Variants in ADAMTS12 observed in about 807,000 individuals in gnomAD.
ADAMTS12 encodes the protein A disintegrin and metalloproteinase with thrombospondin motifs 12.
Under a neutral mutation model 167.8 loss-of-function variants are expected in ADAMTS12, and 118 were observed. The ratio of observed to expected loss-of-function variants is 0.70; its 90% confidence interval spans 0.61 to 0.82. The LOEUF (loss-of-function observed/expected upper bound fraction) is 0.82, where lower values mean the gene tolerates loss of function less well. ADAMTS12 is among the 40% of genes least tolerant of loss of function. ADAMTS12 has a pLI of 0.00. For synonymous variants in ADAMTS12, 704 were observed against 716.9 expected, an observed-to-expected ratio of 0.98 and a Z score of 0.29; for missense variants, 1,916 against 1,998.8, an observed-to-expected ratio of 0.96 and a Z score of 0.79.
intron 22 of ADAMTS12, among the ~76,000 whole-genome samples, chr5:33,535,948 C>T (rs1224687776): frequency 6.6e-6 from 1 of 152,078 alleles, no homozygotes; most frequent in African/African-American, 2.4e-5. Flanking sequence ...CCTCTCAAGC[C>T]ATTCTAATGA....
chr5:33,757,903 A>G (rs968136177), intron 2 of ADAMTS12, among the ~76,000 whole-genome samples: 2 of 152,194 alleles, frequency 1.3e-5, no homozygotes, highest in African/African-American at 4.8e-5. Flanking sequence ...TCATTTCATC[A>G]TAGCATCGTC....
intron 17 of ADAMTS12, among the ~76,000 whole-genome samples, chr5:33,592,983 A>T (rs1430001662): frequency 6.6e-5 from 10 of 152,218 alleles, no homozygotes; most frequent in Non-Finnish European, 1.2e-4. Flanking sequence ...ATTTATTTTT[A>T]AAAAAGCAAA....
At chr5:33,772,526 C>G (rs1427458219) in intron 2 of ADAMTS12, among the ~76,000 whole-genome samples, 1 of 152,144 alleles carries the variant, frequency 6.6e-6, no homozygotes, top group Non-Finnish European at 1.5e-5. Flanking sequence ...GGAGATTGAG[C>G]AAAAATAATT....
At chr5:33,832,657 G>C (rs1449063347) in intron 2 of ADAMTS12, among the ~76,000 whole-genome samples, 1 of 152,204 alleles carries the variant, frequency 6.6e-6, no homozygotes, top group Non-Finnish European at 1.5e-5. Context: ...CACTAGCGGG[G>C]TGGTGGTGTT....
intron 2 of ADAMTS12, among the ~76,000 whole-genome samples, chr5:33,808,836 AAGAT>A (rs918981591): frequency 5.9e-5 from 9 of 152,216 alleles, no homozygotes; most frequent in Non-Finnish European, 7.3e-5. Context: ...CACAAACAAA[AAGAT>A]AGCCAATTCC....
At chr5:33,801,091 T>C (rs1026514459) in intron 2 of ADAMTS12, among the ~76,000 whole-genome samples, 2 of 152,182 alleles carry the variant, frequency 1.3e-5, no homozygotes, top group Non-Finnish European at 2.9e-5. Context: ...CATGAACCAC[T>C]AGAAGCTGGA....
intron 20 of ADAMTS12, among the ~76,000 whole-genome samples, chr5:33,556,448 T>C (rs1381312859): frequency 6.6e-6 from 1 of 152,220 alleles, no homozygotes; most frequent in Non-Finnish European, 1.5e-5. Flanking sequence ...GGTAGAGATC[T>C]GAATGTCTCA....
intron 3 of ADAMTS12, among the ~76,000 whole-genome samples, chr5:33,711,605 A>G (rs1695232954): frequency 6.6e-6 from 1 of 152,146 alleles, no homozygotes; most frequent in South Asian, 2.1e-4. Context: ...CTGTGTAAAC[A>G]AACACACAAG....
intron 5 of ADAMTS12, among the ~76,000 whole-genome samples, chr5:33,667,685 T>C (rs1351186319): frequency 6.6e-6 from 1 of 152,172 alleles, no homozygotes; most frequent in Non-Finnish European, 1.5e-5. Context: ...TAAAGATAGG[T>C]AGATAATTAA....
At chr5:33,686,474 T>C (rs1742328372) in intron 3 of ADAMTS12, among the ~76,000 whole-genome samples, 3 of 152,144 alleles carry the variant, frequency 2.0e-5, no homozygotes, top group Admixed American at 2.0e-4. Context: ...ACTTCTTCTT[T>C]ACTCTCCCCT....
chr5:33,665,800 T>A (rs1194950329), intron 5 of ADAMTS12, among the ~76,000 whole-genome samples: 1 of 152,160 alleles, frequency 6.6e-6, no homozygotes, highest in Non-Finnish European at 1.5e-5. Flanking sequence ...GGACAATATA[T>A]CTGCCTTCCC....
At chr5:33,818,031 T>C (rs1249879741) in intron 2 of ADAMTS12, among the ~76,000 whole-genome samples, 3 of 152,144 alleles carry the variant, frequency 2.0e-5, no homozygotes, top group African/African-American at 4.8e-5. Flanking sequence ...GTTTACAACA[T>C]AGGATATATG....
At chr5:33,790,555 C>CAA (rs35691545) in intron 2 of ADAMTS12, among the ~76,000 whole-genome samples, 1 of 104,818 alleles carries the variant, frequency 9.5e-6, no homozygotes. Flanking sequence ...GACTCCATCT[C>CAA]AAAAAAAAAA....
At chr5:33,868,775 G>A (rs998484758) in intron 2 of ADAMTS12, among the ~76,000 whole-genome samples, 31 of 152,148 alleles carry the variant, frequency 2.0e-4, no homozygotes, top group African/African-American at 7.2e-4. Context: ...TATGACATTT[G>A]TTTGCAAAAA....
chr5:33,843,863 A>T (rs967258644), intron 2 of ADAMTS12, among the ~76,000 whole-genome samples: 6 of 152,250 alleles, frequency 3.9e-5, no homozygotes, highest in African/African-American at 9.6e-5. Context: ...ACAGAATGGC[A>T]CACAATTTAA....
chr5:33,576,054 C>G lies in ADAMTS12; in HGVS notation c.3972G>C (p.Glu1324Asp). 6.2e-7 allele frequency: 1 copy of G among 1,609,930 alleles called. No homozygotes were observed. The highest frequency in any genetic ancestry group is 8.5e-7 in the Non-Finnish European group (1 of 1,177,476). ...SAHWIVGNWS[E>D]CSTTCGLGAY... ...AGGCCAGGGGTAGGAAATGTCTTAC[C>G]TCGCTCCAGTTTCCGACGATCCAGT... The change falls in exon 19 of 24, where the codon GAG (glutamate) becomes GAC (aspartate). Residue 1324 changes from glutamate (E) to aspartate (D), a missense_variant and splice_region_variant. By Grantham distance (45) the Glu-to-Asp change is conservative. Transcript: ENST00000504830.
chr5:33,607,063 C>G (rs1017673765), intron 16 of ADAMTS12, among the ~76,000 whole-genome samples: 8 of 152,096 alleles, frequency 5.3e-5, no homozygotes, highest in Admixed American at 2.0e-4. Context: ...AGATTCAACA[C>G]TCATTTATAA....
chr5:33,734,397 T>G (rs1399619357), intron 3 of ADAMTS12, among the ~76,000 whole-genome samples: 1 of 152,192 alleles, frequency 6.6e-6, no homozygotes, highest in Non-Finnish European at 1.5e-5. Context: ...GCAGTAACAT[T>G]AGCAGAAATC....
chr5:33,552,900 A>G (rs886347643), intron 20 of ADAMTS12, among the ~76,000 whole-genome samples: 9 of 152,230 alleles, frequency 5.9e-5, no homozygotes, highest in African/African-American at 2.2e-4. Context: ...AAAAGAAACT[A>G]TCAACAGAGT....
Sources: gnomAD v4.1 joint callset for allele counts (sites outside exome capture counted in the v4.1 genomes callset) on GRCh38, gnomAD v4.1.1 for gene constraint, MANE v1.5 for transcripts, NCBI Gene and HGNC (gene_info 2026-07-23, HGNC 2026-07-21) for gene names.